The following SLC4A10 variants were observed in gnomAD, a reference collection of about 807,000 sequenced individuals.
The protein encoded by SLC4A10 is sodium-driven chloride bicarbonate exchanger.
SLC4A10 carries 42 observed loss-of-function variants against 137.7 expected under a neutral mutation model. The ratio of observed to expected loss-of-function variants is 0.30; its 90% CI spans 0.24 to 0.39. The LOEUF is 0.39. SLC4A10 is among the 10% of genes least tolerant of loss of function. The pLI, the probability that SLC4A10 is intolerant of heterozygous loss-of-function variation, is 1.00. For missense variants in SLC4A10, 925 were observed against 1,355.0 expected (o/e 0.68, Z 4.98); for synonymous variants, 474 against 464.1 (o/e 1.02, Z -0.27).
intron 1 of SLC4A10, among the ~76,000 whole-genome samples, chr2:161,676,133 GTGGGC>G (rs1559005426): frequency 1.1e-4 from 16 of 152,136 alleles, no homozygotes; most frequent in African/African-American, 3.6e-4. Flanking sequence ...GTATACTTAC[GTGGGC>G]AGAGAGCTGT....
At chr2:161,748,905 C>A (rs993846560) in intron 1 of SLC4A10, among the ~76,000 whole-genome samples, 1 of 152,022 alleles carries the variant, frequency 6.6e-6, no homozygotes, top group African/African-American at 2.4e-5. Context: ...TGTTTCCAAT[C>A]CATGAACATG....
intron 22 of SLC4A10, 129 bp from the exon 23 acceptor site, chr2:161,964,922 A>G: frequency 2.9e-6 from 2 of 694,952 alleles, no homozygotes; most frequent in Admixed American, 6.6e-5. Context: ...TTTTATACAT[A>G]TATATCTTTA....
chr2:161,794,035 A>G (rs1355972704), intron 2 of SLC4A10, among the ~76,000 whole-genome samples: 1 of 152,178 alleles, frequency 6.6e-6, no homozygotes, highest in African/African-American at 2.4e-5. Flanking sequence ...TCATGAAAAC[A>G]AAGGTCATGT....
At chr2:161,909,219 A>G (rs1685221523) in intron 15 of SLC4A10, among the ~76,000 whole-genome samples, 1 of 152,032 alleles carries the variant, frequency 6.6e-6, no homozygotes. Flanking sequence ...GTACCCTAAA[A>G]CTTAAAGTAT....
At chr2:161,762,251 T>C (rs1450784558) in intron 1 of SLC4A10, among the ~76,000 whole-genome samples, 2 of 152,072 alleles carry the variant, frequency 1.3e-5, no homozygotes, top group African/African-American at 4.8e-5. Flanking sequence ...GTCTATGTCA[T>C]AGAATAAATA....
chr2:161,902,153 G>C (rs1683257615), intron 12 of SLC4A10: 1 of 451,308 alleles, frequency 2.2e-6, no homozygotes, highest in Non-Finnish European at 4.4e-6. Flanking sequence ...GGCTGCTCTT[G>C]CACTGTTCTC....
chr2:161,907,880 A>C (rs2105364575), intron 15 of SLC4A10, among the ~76,000 whole-genome samples: 3 of 152,310 alleles, frequency 2.0e-5, no homozygotes, highest in Admixed American at 2.0e-4. Context: ...AAACTCTCCA[A>C]AAGAAACTAT....
At chr2:161,704,336 G>A (rs1256679670) in intron 1 of SLC4A10, among the ~76,000 whole-genome samples, 5 of 151,576 alleles carry the variant, frequency 3.3e-5, no homozygotes, top group Non-Finnish European at 7.4e-5. Flanking sequence ...AATATGCAAA[G>A]CACAGAAGGA....
chr2:161,970,500 C>A (rs1025033926), intron 23 of SLC4A10, among the ~76,000 whole-genome samples: 1 of 152,126 alleles, frequency 6.6e-6, no homozygotes, highest in South Asian at 2.1e-4. Context: ...TACTCTTGGG[C>A]AAAATAAAAG....
intron 11 of SLC4A10, among the ~76,000 whole-genome samples, chr2:161,895,881 G>A (rs1341358005): frequency 2.0e-5 from 3 of 151,906 alleles, no homozygotes; most frequent in African/African-American, 7.3e-5. Context: ...CACTCTGATG[G>A]TAGTTTCTTT....
intron 20 of SLC4A10, 50 bp from the exon 21 acceptor site, chr2:161,958,437 C>G (rs746007732): frequency 1.3e-6 from 2 of 1,503,826 alleles, no homozygotes; most frequent in Non-Finnish European, 9.2e-7. Flanking sequence ...TGCAAAACCA[C>G]AATCTATTTG....
At chr2:161,636,587 A>T (rs142840111) in intron 1 of SLC4A10, among the ~76,000 whole-genome samples, 121 of 152,044 alleles carry the variant, frequency 8.0e-4, no homozygotes, top group African/African-American at 2.7e-3. Context: ...TTGAGTAGAG[A>T]TGGGATCTCA....
chr2:161,819,708 C>G (rs1481104052), intron 3 of SLC4A10, among the ~76,000 whole-genome samples: 2 of 152,088 alleles, frequency 1.3e-5, no homozygotes, highest in East Asian at 3.9e-4. Context: ...GTTGGCCAAG[C>G]TGGTCTCGAA....
intron 1 of SLC4A10, among the ~76,000 whole-genome samples, chr2:161,703,480 C>T (rs1339362245): frequency 1.3e-5 from 2 of 151,540 alleles, no homozygotes; most frequent in Non-Finnish European, 3.0e-5. Context: ...ATGGTTATCT[C>T]TGTATAATGA....
At chr2:161,831,688 G>A (rs1434521762) in intron 3 of SLC4A10, among the ~76,000 whole-genome samples, 1 of 152,058 alleles carries the variant, frequency 6.6e-6, no homozygotes, top group African/African-American at 2.4e-5. Context: ...AGGAAATAAT[G>A]AAAGCAAAAT....
At chr2:161,740,242 G>A (rs1339303672) in intron 1 of SLC4A10, among the ~76,000 whole-genome samples, 2 of 152,126 alleles carry the variant, frequency 1.3e-5, no homozygotes, top group Non-Finnish European at 2.9e-5. Flanking sequence ...TCAGTTGAAA[G>A]GTACTTATAG....
chr2:161,904,969 C>T, intron 14 of SLC4A10, 60 bp downstream of exon 14: 1 of 1,530,972 alleles, frequency 6.5e-7, no homozygotes. Flanking sequence ...TGTATTTATA[C>T]TTCTCCCAAC....
chr2:161,793,568 T>C (rs1375906079), intron 2 of SLC4A10, among the ~76,000 whole-genome samples: 2 of 152,234 alleles, frequency 1.3e-5, no homozygotes, highest in African/African-American at 4.8e-5. Context: ...TCACAACTGC[T>C]GAAAGCATGG....
At chr2:161,914,249 G>A (rs531898585) in intron 15 of SLC4A10, among the ~76,000 whole-genome samples, 1 of 152,208 alleles carries the variant, frequency 6.6e-6, no homozygotes, top group East Asian at 1.9e-4. Flanking sequence ...AAGTGAAGAA[G>A]TATAAATACA....
Sources: allele counts gnomAD v4.1 joint callset (sites outside exome capture counted in the v4.1 genomes callset), GRCh38; gene constraint gnomAD v4.1.1; transcripts MANE v1.5; gene names NCBI Gene and HGNC (gene_info 2026-07-23, HGNC 2026-07-21).